KIF5A: variants seen among roughly 807,000 people sequenced by gnomAD.
The protein encoded by KIF5A is kinesin family member 5A, also known as kinesin heavy chain isoform 5A.
KIF5A carries 35 observed loss-of-function variants against 141.3 expected under a neutral mutation model. The observed-to-expected ratio is 0.25, with a 90% CI of 0.19 to 0.33. The LOEUF (loss-of-function observed/expected upper bound fraction) is 0.33, where lower values mean the gene tolerates loss of function less well. Among genes scored for constraint, KIF5A ranks in the 10% least tolerant of loss-of-function variants. KIF5A has a pLI of 1.00. For missense variants in KIF5A, 861 were observed against 1,314.3 expected (o/e 0.66, Z 5.33); for synonymous variants, 448 against 500.2 (o/e 0.90, Z 1.39).
chr12:57,570,364 T>C (rs1162000376), intron 12 of KIF5A, among the ~76,000 whole-genome samples: 1 of 152,244 alleles, frequency 6.6e-6, no homozygotes, highest in Non-Finnish European at 1.5e-5. Context: ...TTTGCTTTTC[T>C]CTGTGCATAT....
intron 4 of KIF5A, 111 bp from the exon 5 acceptor site, chr12:57,564,349 C>A: frequency 9.1e-7 from 1 of 1,093,664 alleles, no homozygotes; most frequent in South Asian, 1.3e-5. Context: ...ATGTTCTCTT[C>A]TGTTCTTTTC....
rs758235350 is a variant in KIF5A, at chr12:57,564,902, C to A, written c.446-16C>A. The A allele has an allele frequency of 3.1e-6, 5 of 1,613,632 alleles. No homozygotes were observed. The South Asian group carries it at 5.5e-5, about 18-fold the overall frequency. ...GGAAGTACTAGTCTTGCTTACCCTG[C>A]ATTCTTTTGATTCAGTGACCAAGAC... is the stretch of plus-strand genomic sequence containing the variant. On this transcript the variant is annotated splice_polypyrimidine_tract_variant and intron_variant, in intron 5 of 28. Transcript: ENST00000455537.
At chr12:57,574,470 CA>C (rs1042690168) in intron 15 of KIF5A, among the ~76,000 whole-genome samples, 1 of 151,916 alleles carries the variant, frequency 6.6e-6, no homozygotes, top group Non-Finnish European at 1.5e-5. Context: ...GAGAGGGTTT[CA>C]CCATATTGGC....
chr12:57,551,380 T>G (rs1236152086), intron 1 of KIF5A, among the ~76,000 whole-genome samples: 1 of 152,250 alleles, frequency 6.6e-6, no homozygotes, highest in Non-Finnish European at 1.5e-5. Context: ...TCCATGGATC[T>G]GAACCTAAAT....
At position 57,572,758 on chromosome 12, in the gene KIF5A, G is replaced by T. The variant is rs200725268; in HGVS notation, c.1716+32G>T. 119 of 1,613,870 alleles carry T rather than the reference G, an allele frequency of 7.4e-5. No homozygotes were observed. Among genetic ancestry groups the T allele is most frequent in the Non-Finnish European group, 9.8e-5 (116 of 1,179,854 alleles). ...GGTGAGAGACAGCAGCCTTGTTCAG[G>T]CTGGGCACTAGTGGAAGACGCAAGA... On this transcript the variant is annotated intron_variant, in intron 15 of 28. Coordinates refer to ENST00000455537, the MANE Select transcript of KIF5A (RefSeq NM_004984.4). The surrounding 1 kb of genome is among the most constrained non-coding windows in gnomAD (Gnocchi z 4.2).
chr12:57,577,294 T>G (rs529682034), intron 20 of KIF5A, among the ~76,000 whole-genome samples: 1 of 152,274 alleles, frequency 6.6e-6, no homozygotes, highest in African/African-American at 2.4e-5. Flanking sequence ...ATGAGTAACT[T>G]GTGTAATAAA....
chr12:57,565,380 C>T (rs527383377), intron 6 of KIF5A, among the ~76,000 whole-genome samples: 12 of 152,074 alleles, frequency 7.9e-5, no homozygotes, highest in Middle Eastern at 3.4e-3. Flanking sequence ...GAGATTGCGC[C>T]ACTGCACTCC....
intron 1 of KIF5A, among the ~76,000 whole-genome samples, chr12:57,555,099 T>C (rs1263487982): frequency 1.3e-5 from 2 of 152,104 alleles, no homozygotes; most frequent in Admixed American, 6.5e-5. Context: ...GCCCATGGAG[T>C]GGCCTGCGCA....
intron 5 of KIF5A, 87 bp from the exon 6 acceptor site, chr12:57,564,831 A>G: frequency 7.8e-7 from 1 of 1,290,110 alleles, no homozygotes; most frequent in South Asian, 1.2e-5. Flanking sequence ...AGCACAGAGA[A>G]GAAAACCACC....
chr12:57,575,853 G>T (rs1186304020), intron 17 of KIF5A, 96 bp downstream of exon 17: 8 of 1,028,598 alleles, frequency 7.8e-6, no homozygotes, highest in Non-Finnish European at 1.2e-5. Context: ...CAAAGCATTA[G>T]CTTGAAATCA....
chr12:57,553,852 G>A (rs1445344629), intron 1 of KIF5A, among the ~76,000 whole-genome samples: 1 of 152,132 alleles, frequency 6.6e-6, no homozygotes, highest in African/African-American at 2.4e-5. Flanking sequence ...AAGGCTATAA[G>A]GAGCACTTAG....
At position 57,564,471 on chromosome 12, in the gene KIF5A, T is replaced by C. The variant is rs770202664; in HGVS notation, c.408T>C (p.Phe136=). ...NLEFHIKVSY[F]EIYLDKIRDL... ...TTCTTCTTAACCAGGTTTCTTACTT[T>C]GAAATTTACCTGGACAAAATTCGTG... Residue 136 remains phenylalanine (F), a synonymous_variant, in exon 5 of 29, where the codon TTT becomes TTC. Coordinates refer to ENST00000455537, the MANE Select transcript of KIF5A (RefSeq NM_004984.4). 20 of 1,612,426 alleles carry C rather than the reference T, an allele frequency of 1.2e-5. No individual in the cohort carries two copies. The highest frequency in any genetic ancestry group is 1.6e-5 in the Non-Finnish European group (19 of 1,178,456).
rs532332697 is a variant in KIF5A at position 57,583,209 on chromosome 12, C to G, written c.*30C>G. The G allele has an allele frequency of 6.3e-7, 1 of 1,587,118 alleles. No homozygotes were observed. The highest frequency in any genetic ancestry group is 2.2e-5 in the East Asian group (1 of 44,490). On this transcript the variant is annotated 3_prime_UTR_variant, in exon 28 of 29. Coordinates refer to ENST00000455537, the MANE Select transcript of KIF5A (RefSeq NM_004984.4). ...CCACACCCACGGCTGCATACCTGCA[C>G]TTTCAGGTAGCGTCAGGCTGCTTCC...
At chr12:57,583,313 C>G (rs1167131223) in intron 28 of KIF5A, 98 bp downstream of exon 28, 1 of 699,064 alleles carries the variant, frequency 1.4e-6, no homozygotes. Flanking sequence ...TTTTTTTTAT[C>G]ACCTCAAAAC....
In KIF5A at chr12:57,584,750, C is replaced by T. The variant is rs1234916532; in HGVS notation, c.*569C>T. On this transcript the variant is annotated 3_prime_UTR_variant, in exon 29 of 29. Coordinates refer to ENST00000455537, the MANE Select transcript of KIF5A (RefSeq NM_004984.4). ...AGGGGAAGGTAAAATGGAAGGGCTG[C>T]TAATTGAGACATATAATTTTCTTCA... is the stretch of plus-strand genomic sequence containing the variant. The T allele has an allele frequency of 2.0e-5, 3 of 152,554 alleles. No individual in the cohort carries two copies. Among genetic ancestry groups the T allele is most frequent in the African/African-American group, 7.2e-5 (3 of 41,436 alleles). The allele number at this position is 152,554 out of a possible 1,614,324, so 9.5% of individuals were successfully genotyped here. A position where few individuals can be genotyped will look rare whatever the true frequency, so the allele number is the denominator to read the frequency against.
At chr12:57,576,995 G>A (rs778035748) in intron 20 of KIF5A, 133 bp downstream of exon 20, 59 of 686,902 alleles carry the variant, frequency 8.6e-5, no homozygotes, top group Non-Finnish European at 1.5e-4. Context: ...GATGGGGTAG[G>A]GACGGGACCA....
chr12:57,572,383 A>G lies in KIF5A; in HGVS notation c.1569+116A>G, dbSNP rs1261369888. ...TGGCTGCACCTCTGCACTGCTGTTC[A>G]GTGCATTGTGAGTCCCTCCCCAACC... is the stretch of plus-strand genomic sequence containing the variant. On this transcript the variant is annotated intron_variant, in intron 14 of 28. Coordinates refer to ENST00000455537, the MANE Select transcript of KIF5A (RefSeq NM_004984.4). This position sits in a 1 kb window ranked among gnomAD's most constrained non-coding sequence, Gnocchi z 4.2. The G allele has an allele frequency of 1.6e-6, 2 of 1,273,880 alleles. No individual in the cohort carries two copies. Among genetic ancestry groups the G allele is most frequent in the African/African-American group, 1.5e-5 (1 of 67,806 alleles). The allele number at this position is 1,273,880 out of a possible 1,614,324, so 78.9% of individuals were successfully genotyped here.
In KIF5A at chr12:57,569,056, G is replaced by A; in HGVS notation, c.808G>A (p.Ala270Thr). ...SALGNVISALAEGTKSYVPYR... is the reference protein window; with the variant it reads ...SALGNVISALTEGTKSYVPYR... ...TCTGGGCAATGTGATCTCCGCACTG[G>A]CTGAGGGCACTGTGAGTGATCCTTA... Residue 270 changes from alanine to threonine, a missense_variant, in exon 9 of 29, where the codon GCT becomes ACT. Coordinates refer to ENST00000455537, the MANE Select transcript of KIF5A (RefSeq NM_004984.4). The A allele has an allele frequency of 6.2e-7, 1 of 1,613,516 alleles. No homozygotes were observed. Among genetic ancestry groups the A allele is most frequent in the Non-Finnish European group, 8.5e-7 (1 of 1,179,554 alleles).
At chr12:57,558,868 G>A (rs1276979131) in intron 1 of KIF5A, among the ~76,000 whole-genome samples, 4 of 151,992 alleles carry the variant, frequency 2.6e-5, no homozygotes, top group Non-Finnish European at 5.9e-5. Context: ...CTTCACCTTC[G>A]AGGCTCAGGC....
Sources: gnomAD v4.1 joint callset for allele counts (sites outside exome capture counted in the v4.1 genomes callset) on GRCh38, gnomAD v4.1.1 for gene constraint, Gnocchi (gnomAD v3.1) non-coding constraint, MANE v1.5 for transcripts, NCBI Gene and HGNC (gene_info 2026-07-23, HGNC 2026-07-21) for gene names.